The following NOC3L variants were observed in gnomAD, a reference collection of about 807,000 sequenced individuals.
The protein encoded by NOC3L is nucleolar complex protein 3 homolog.
In NOC3L, 85 loss-of-function variants were observed where a neutral mutation model predicts 102.5. That is an observed-to-expected ratio of 0.83 (90% CI 0.70 to 0.99). The LOEUF is 0.99. Among genes scored for constraint, NOC3L ranks in the 50% least tolerant of loss-of-function variants. The probability of loss-of-function intolerance (pLI) is 0.00; values close to 1 mark genes in which losing one functional copy is unlikely to be tolerated. For synonymous variants in NOC3L, 303 were observed against 309.4 expected, an observed-to-expected ratio of 0.98 and a Z score of 0.22; for missense variants, 878 against 914.9, an observed-to-expected ratio of 0.96 and a Z score of 0.52.
chr10:94,352,685 G>A (rs2054434202), intron 7 of NOC3L, among the ~76,000 whole-genome samples: 2 of 152,068 alleles, frequency 1.3e-5, no homozygotes, highest in Admixed American at 1.3e-4. Flanking sequence ...AGCTGGGCCT[G>A]GTGGCGCATG....
At chr10:94,318,792 G>C in the NOC3L span, among the ~76,000 whole-genome samples, 1 of 152,326 alleles carries the variant, frequency 6.6e-6, no homozygotes, top group South Asian at 2.1e-4. Flanking sequence ...TGGGCACGGT[G>C]GCTCACACCT....
Position 94,334,122 on chromosome 10 carries a change from T to G in NOC3L, c.*55A>C, listed in dbSNP as rs2054189663. ...AGATCCTAAGTTAACAACTCATCTT[T>G]ATGTACATCTGCACACACAAATATA... On this transcript the variant is annotated 3_prime_UTR_variant, in exon 21 of 21. Transcript: ENST00000371361. 1 of 783,426 alleles carries G rather than the reference T, an allele frequency of 1.3e-6. No individual in the cohort carries two copies. Among genetic ancestry groups the G allele is most frequent in the South Asian group, 1.6e-5 (1 of 61,102 alleles). 48.5% of individuals were successfully genotyped at this position (783,426 alleles called of 1,614,324 possible). A position where few individuals can be genotyped will look rare whatever the true frequency, so the allele number is the denominator to read the frequency against.
the NOC3L span, among the ~76,000 whole-genome samples, chr10:94,319,864 C>CT: frequency 0.13 from 11,669 of 92,812 alleles, 1,404 homozygotes; most frequent in Non-Finnish European, 0.17. Flanking sequence ...CAAAGGTGCT[C>CT]TTTTTTTTTT....
intron 12 of NOC3L, 46 bp downstream of exon 12, chr10:94,344,807 C>G (rs773375787): frequency 7.0e-7 from 1 of 1,422,248 alleles, no homozygotes; most frequent in South Asian, 1.3e-5. Flanking sequence ...CTAGTTTAAA[C>G]AACTTAACGC....
At chr10:94,316,109 A>G in the NOC3L span, among the ~76,000 whole-genome samples, 1 of 152,208 alleles carries the variant, frequency 6.6e-6, no homozygotes, top group South Asian at 2.1e-4. Flanking sequence ...CCAGGAACTT[A>G]GACCACATGA....
At chr10:94,347,894 A>G (rs572178671) in intron 10 of NOC3L, among the ~76,000 whole-genome samples, 3 of 152,040 alleles carry the variant, frequency 2.0e-5, no homozygotes, top group Non-Finnish European at 4.4e-5. Flanking sequence ...GAGGGAAGGA[A>G]GTGAAAAATG....
chr10:94,357,192 G>C lies in NOC3L; in HGVS notation c.490C>G (p.Gln164Glu), dbSNP rs372206733. Residue 164 changes from glutamine to glutamate, a missense_variant, in exon 4 of 21, where the codon CAG (glutamine) becomes GAG (glutamate). Transcript: ENST00000371361. ...PIKDKSGIIPQTREKPVTDSN... is the reference protein window; with the variant it reads ...PIKDKSGIIPETREKPVTDSN... The stretch of plus-strand genomic sequence containing the variant: ...GACTCACCTGGCTTCTCCCTAGTCT[G>C]TGGGATTATACCACTTTTATCTTTG... 1 of 1,590,884 alleles carries C rather than the reference G, an allele frequency of 6.3e-7. No homozygotes were observed. Among genetic ancestry groups the C allele is most frequent in the African/African-American group, 1.4e-5 (1 of 73,754 alleles).
Position 94,350,207 on chromosome 10 carries a change from C to T in NOC3L, c.1034G>A (p.Ser345Asn). 4 of 1,614,156 alleles carry T rather than the reference C, an allele frequency of 2.5e-6. No homozygotes were observed. The South Asian group carries it at 4.4e-5, about 18-fold the overall frequency. The change falls in exon 9 of 21, where the codon AGC (serine) becomes AAC (asparagine). Residue 345 changes from serine to asparagine, a missense_variant. Ser to Asn is a conservative substitution (Grantham distance 46). Transcript: ENST00000371361. ...YKGLAEVAVK[S>N]LCELLVALPH... ...TAGTGCCACCAACAGCTCACACAAG[C>T]TCTTCACAGCGACTTCTGCCAGTCC...
chr10:94,342,116 A>G (rs868023052), intron 13 of NOC3L, among the ~76,000 whole-genome samples: 1 of 152,226 alleles, frequency 6.6e-6, no homozygotes, highest in Non-Finnish European at 1.5e-5. Context: ...AGATTCTGCT[A>G]CTTACAAGAA....
chr10:94,345,910 C>G (rs1203403931), intron 11 of NOC3L, among the ~76,000 whole-genome samples: 1 of 152,100 alleles, frequency 6.6e-6, no homozygotes, highest in Non-Finnish European at 1.5e-5. Flanking sequence ...TATGCATCAT[C>G]TCATTTAACC....
intron 1 of NOC3L, 165 bp from the exon 2 acceptor site, chr10:94,362,037 A>C (rs1436235685): frequency 2.9e-6 from 2 of 682,614 alleles, no homozygotes; most frequent in Non-Finnish European, 5.3e-6. Flanking sequence ...TTAATCCTAC[A>C]GAAGAGCGCT....
intron 3 of NOC3L, 180 bp downstream of exon 3, chr10:94,357,903 A>C: frequency 1.7e-6 from 1 of 578,318 alleles, no homozygotes; most frequent in Non-Finnish European, 3.1e-6. Context: ...ATGTACATTA[A>C]ATGAAATCAG....
chr10:94,346,501 G>A lies in NOC3L; in HGVS notation c.1313C>T (p.Thr438Ile), dbSNP rs769369618. Residue 438 changes from threonine to isoleucine, a missense_variant, in exon 11 of 21, where the codon ACA becomes ATA. Transcript: ENST00000371361. ...RIKEVEVKKD[T>I]EDINKPKKFM... is the part of the protein sequence containing the mutation. ...TTTTTTTGGTTTATTAATGTCTTCT[G>A]TATCTTTTTTCACTTCTACTTCCTT... 7 of 1,478,758 alleles carry A rather than the reference G, an allele frequency of 4.7e-6. No individual in the cohort carries two copies. The highest frequency in any genetic ancestry group is 6.4e-6 in the Non-Finnish European group (7 of 1,098,806). The allele number at this position is 1,478,758 out of a possible 1,614,324, so 91.6% of individuals were successfully genotyped here.
At chr10:94,318,225 G>C in the NOC3L span, among the ~76,000 whole-genome samples, 1 of 152,170 alleles carries the variant, frequency 6.6e-6, no homozygotes, top group African/African-American at 2.4e-5. Flanking sequence ...CTAAGACAGA[G>C]ACCAGGCAAC....
At position 94,338,625 on chromosome 10, in the gene NOC3L, C is replaced by A; in HGVS notation, c.2074G>T (p.Glu692Ter). 1 of 1,573,132 alleles carries A rather than the reference C, an allele frequency of 6.4e-7. No homozygotes were observed. Among genetic ancestry groups the A allele is most frequent in the Admixed American group, 1.7e-5 (1 of 57,530 alleles). Residue 692 changes from glutamate to a stop codon, truncating the protein, a stop_gained, in exon 18 of 21, where the codon GAA becomes TAA. Coordinates refer to ENST00000371361, the MANE Select transcript of NOC3L (RefSeq NM_022451.11). LOFTEE classifies it high-confidence loss of function. ...YCNAQNTALW[E>*]LHALRRHYHP... ...ACTCTTACCCGCAGAGCATGCAGTTCCCACAGAGCAGTGTTCTGAGCATTG... is the reference window on the plus strand; with the variant it reads ...ACTCTTACCCGCAGAGCATGCAGTTACCACAGAGCAGTGTTCTGAGCATTG...
chr10:94,337,227 G>C (rs2054230088), intron 19 of NOC3L, among the ~76,000 whole-genome samples: 1 of 152,050 alleles, frequency 6.6e-6, no homozygotes, highest in South Asian at 2.1e-4. Context: ...GCTGCTTATA[G>C]GTCAGAAGGT....
At chr10:94,344,545 A>C in intron 12 of NOC3L, 30 bp from the exon 13 acceptor site, 1 of 1,493,106 alleles carries the variant, frequency 6.7e-7, no homozygotes, top group Non-Finnish European at 9.3e-7. Context: ...AAATGACTTT[A>C]GGATAACCTG....
chr10:94,349,530 C>A (rs2054389623), intron 9 of NOC3L, 152 bp from the exon 10 acceptor site: 4 of 561,478 alleles, frequency 7.1e-6, no homozygotes, highest in Non-Finnish European at 1.2e-5. Context: ...AGTTAAGACT[C>A]TATCGCCACC....
intron 9 of NOC3L, among the ~76,000 whole-genome samples, chr10:94,349,823 A>G (rs1038577827): frequency 6.6e-6 from 1 of 152,054 alleles, no homozygotes; most frequent in Non-Finnish European, 1.5e-5. Context: ...CAATGGCGCA[A>G]TCTCAGCTCA....
Sources: allele counts gnomAD v4.1 joint callset (sites outside exome capture counted in the v4.1 genomes callset), GRCh38; gene constraint gnomAD v4.1.1; transcripts MANE v1.5; gene names NCBI Gene and HGNC (gene_info 2026-07-23, HGNC 2026-07-21).